The following PRIM2 variants were observed in gnomAD, a reference collection of about 807,000 sequenced individuals.
PRIM2 encodes DNA primase large subunit.
Under a neutral mutation model 67.3 loss-of-function variants are expected in PRIM2, and 39 were observed. The ratio of observed to expected loss-of-function variants is 0.58; its 90% CI spans 0.45 to 0.76. PRIM2 has a LOEUF of 0.76. PRIM2 is among the 30% of genes least tolerant of loss of function. The probability of loss-of-function intolerance (pLI) is 0.00; values close to 1 mark genes in which losing one functional copy is unlikely to be tolerated. For missense variants in PRIM2, 398 were observed against 598.7 expected, an observed-to-expected ratio of 0.66 and a Z score of 3.50; for synonymous variants, 143 against 198.7, an observed-to-expected ratio of 0.72 and a Z score of 2.36.
chr6:57,403,784 T>C (rs1770794414), intron 7 of PRIM2, among the ~76,000 whole-genome samples: 1 of 152,160 alleles, frequency 6.6e-6, no homozygotes, highest in African/African-American at 2.4e-5. Flanking sequence ...ATTATTTGTG[T>C]GCTATCTTGC....
the PRIM2 span, among the ~76,000 whole-genome samples, chr6:57,247,122 A>G: frequency 7.2e-5 from 11 of 152,232 alleles, no homozygotes; most frequent in South Asian, 1.7e-3. Flanking sequence ...CCAAAGTGCT[A>G]GGATTACAGG....
chr6:57,460,076 T>C (rs1409454855), intron 7 of PRIM2, among the ~76,000 whole-genome samples: 2 of 152,050 alleles, frequency 1.3e-5, no homozygotes, highest in Admixed American at 6.6e-5. Flanking sequence ...TCAGTACATT[T>C]GATGTTGTAT....
At chr6:57,571,836 A>G (rs1339395125) in intron 10 of PRIM2, among the ~76,000 whole-genome samples, 1 of 152,172 alleles carries the variant, frequency 6.6e-6, no homozygotes, top group African/African-American at 2.4e-5. Context: ...TCATAACCCC[A>G]TTTCTAGTGG....
intron 6 of PRIM2, 55 bp downstream of exon 6, chr6:57,380,051 T>C (rs1769903846): frequency 7.2e-7 from 1 of 1,388,462 alleles, no homozygotes; most frequent in Admixed American, 2.2e-5. Context: ...CGCATTGAGC[T>C]TTATATACAT....
intron 7 of PRIM2, among the ~76,000 whole-genome samples, chr6:57,481,857 A>C (rs1394498233): frequency 1.3e-5 from 2 of 152,004 alleles, no homozygotes; most frequent in African/African-American, 4.8e-5. Context: ...ATGATGTTGA[A>C]CTTTCTTTTT....
intron 7 of PRIM2, among the ~76,000 whole-genome samples, chr6:57,478,053 C>T (rs1773517570): frequency 2.0e-5 from 3 of 151,876 alleles, no homozygotes; most frequent in Non-Finnish European, 4.4e-5. Flanking sequence ...GTTTAATACC[C>T]GTAATACTAT....
At chr6:57,582,706 A>G (rs1284062241) in intron 10 of PRIM2, among the ~76,000 whole-genome samples, 1 of 152,060 alleles carries the variant, frequency 6.6e-6, no homozygotes, top group Non-Finnish European at 1.5e-5. Flanking sequence ...AGCAGCCTGT[A>G]GTTGAATGGA....
chr6:57,518,524 A>G (rs1160659208), intron 8 of PRIM2, among the ~76,000 whole-genome samples: 2 of 152,278 alleles, frequency 1.3e-5, no homozygotes, highest in Non-Finnish European at 2.9e-5. Context: ...TAAGAATGGC[A>G]TAATAGGACC....
At chr6:57,249,572 T>C in the PRIM2 span, among the ~76,000 whole-genome samples, 2 of 151,910 alleles carry the variant, frequency 1.3e-5, no homozygotes, top group African/African-American at 2.4e-5. Flanking sequence ...TGAAACCCCT[T>C]CTCTACTAAA....
intron 9 of PRIM2, among the ~76,000 whole-genome samples, chr6:57,536,302 G>A (rs1175304856): frequency 5.3e-5 from 8 of 152,210 alleles, no homozygotes; most frequent in Non-Finnish European, 8.8e-5. Context: ...AATTGAAACC[G>A]TAAGTGAAAA....
At chr6:57,316,534 C>T (rs1312407344), upstream of PRIM2, among the ~76,000 whole-genome samples, 1 of 152,206 alleles carries the variant, frequency 6.6e-6, no homozygotes, top group Admixed American at 6.5e-5. Flanking sequence ...ACAGTTTAGT[C>T]CAGGCTGGGT....
At chr6:57,510,382 A>G (rs1554347597) in intron 8 of PRIM2, among the ~76,000 whole-genome samples, 1 of 152,186 alleles carries the variant, frequency 6.6e-6, no homozygotes. Flanking sequence ...GTAAAAACCT[A>G]AAGGGTAGAA....
At chr6:57,578,716 G>A (rs1443986767) in intron 10 of PRIM2, among the ~76,000 whole-genome samples, 4 of 128,452 alleles carry the variant, frequency 3.1e-5, no homozygotes, top group Non-Finnish European at 1.6e-5. Flanking sequence ...TCGCTCTGTC[G>A]CCCAGGCTGG....
chr6:57,535,034 G>A (rs1774975940), intron 9 of PRIM2, among the ~76,000 whole-genome samples: 1 of 151,998 alleles, frequency 6.6e-6, no homozygotes, highest in Non-Finnish European at 1.5e-5. Flanking sequence ...TAAGCTCTTC[G>A]AGGACAGGGT....
chr6:57,343,911 GA>G, intron 5 of PRIM2, among the ~76,000 whole-genome samples: 1 of 152,090 alleles, frequency 6.6e-6, no homozygotes, highest in African/African-American at 2.4e-5. Context: ...AGGGTGGATG[GA>G]AAATTATTAA....
chr6:57,448,517 A>G (rs530586116), intron 7 of PRIM2, among the ~76,000 whole-genome samples: 1 of 152,282 alleles, frequency 6.6e-6, no homozygotes. Context: ...CAGGGCAGTC[A>G]GATTATAGTT....
At chr6:57,637,938 C>T (rs1168342852) in intron 13 of PRIM2, among the ~76,000 whole-genome samples, 1 of 152,118 alleles carries the variant, frequency 6.6e-6, no homozygotes, top group Non-Finnish European at 1.5e-5. Context: ...AACCCCAAGA[C>T]ACATAATTGT....
chr6:57,567,433 T>C (rs1259232678), intron 10 of PRIM2, among the ~76,000 whole-genome samples: 4 of 152,260 alleles, frequency 2.6e-5, no homozygotes, highest in African/African-American at 4.8e-5. Context: ...TCTGAGCATG[T>C]TTAAAGTAAG....
intron 5 of PRIM2, among the ~76,000 whole-genome samples, chr6:57,351,096 C>A (rs1768843335): frequency 6.6e-6 from 1 of 150,652 alleles, no homozygotes; most frequent in African/African-American, 2.4e-5. Flanking sequence ...AATTGAGACC[C>A]AAGTTGAGAC....
Sources: gnomAD v4.1 joint callset for allele counts (sites outside exome capture counted in the v4.1 genomes callset) on GRCh38, gnomAD v4.1.1 for gene constraint, MANE v1.5 for transcripts, NCBI Gene and HGNC (gene_info 2026-07-23, HGNC 2026-07-21) for gene names.